KAZN: variants seen among roughly 807,000 people sequenced by gnomAD.
KAZN encodes kazrin, periplakin interacting protein, also known as kazrin.
KAZN carries 40 observed loss-of-function variants against 87.4 expected under a neutral mutation model. The ratio of observed to expected loss-of-function variants is 0.46; its 90% CI spans 0.36 to 0.60. KAZN has a LOEUF of 0.60. Among genes scored for constraint, KAZN ranks in the 20% least tolerant of loss-of-function variants. The probability of loss-of-function intolerance (pLI) is 0.00; values close to 1 mark genes in which losing one functional copy is unlikely to be tolerated. For missense variants in KAZN, 898 were observed against 1,073.9 expected (o/e 0.84, Z 2.29); for synonymous variants, 466 against 458.3 (o/e 1.02, Z -0.22).
rs963914908 is a variant in KAZN at position 14,820,799 on chromosome 1, C to G, written c.227-139885C>G. Reference sequence around the variant, plus strand: ...ATTCCAGAGGAAGAGCAGTGGGGCACAGTGGGGAGTGAAGGGGGCCATGGC... The same window carrying G: ...ATTCCAGAGGAAGAGCAGTGGGGCAGAGTGGGGAGTGAAGGGGGCCATGGC... On this transcript the variant is annotated intron_variant, in intron 1 of 14. Coordinates refer to ENST00000376030, the MANE Select transcript of KAZN (RefSeq NM_201628.3). The surrounding 1 kb of genome is among the most constrained non-coding windows in gnomAD (Gnocchi z 4.1). Among the ~76,000 whole-genome samples, 2 of 152,020 alleles carry G rather than the reference C, an allele frequency of 1.3e-5. No individual in the cohort carries two copies. Among genetic ancestry groups the G allele is most frequent in the Non-Finnish European group, 2.9e-5 (2 of 68,008 alleles).
At chr1:15,011,408 C>G (rs1466916596) in intron 2 of KAZN, among the ~76,000 whole-genome samples, 1 of 152,220 alleles carries the variant, frequency 6.6e-6, no homozygotes, top group African/African-American at 2.4e-5. Context: ...TGCCAGTCAC[C>G]AGAACGTGCA....
Position 14,773,694 on chromosome 1 carries a change from A to G in KAZN, c.226+174471A>G, listed in dbSNP as rs373419727. ...AGCCAGTGCCTCTATGCAGCCGGTT[A>G]CCCATTGGCGTCACTTAGCCTGGCA... On this transcript the variant is annotated intron_variant, in intron 1 of 14. Transcript: ENST00000376030. The surrounding 1 kb of genome is among the most constrained non-coding windows in gnomAD (Gnocchi z 5.9). Among the ~76,000 whole-genome samples the G allele has an allele frequency of 3.2e-4, 49 of 152,194 alleles. No individual in the cohort carries two copies. Among genetic ancestry groups the G allele is most frequent in the Admixed American group, 2.0e-3 (30 of 15,304 alleles).
chr1:14,302,109 G>A (rs1654598343), intron 2 of KAZN, among the ~76,000 whole-genome samples: 1 of 152,156 alleles, frequency 6.6e-6, no homozygotes, highest in Non-Finnish European at 1.5e-5. Context: ...AAGATGCATA[G>A]GGAAAAACAA....
At position 14,034,303 on chromosome 1, in the gene KAZN, C is replaced by G. The variant is rs150903753; in HGVS notation, c.91+140547C>G. On this transcript the variant is annotated intron_variant, in intron 1 of 16. Transcript: ENST00000636203. ...CTTTTAGCTGTTTTTTTTTTCTGTG[C>G]CTTTGCAAAGACTTTGCAAGGGTCT... Among the ~76,000 whole-genome samples, 389 of 151,548 alleles carry G rather than the reference C, an allele frequency of 2.6e-3. 3 individuals are homozygous for G. Among genetic ancestry groups the G allele is most frequent in the Non-Finnish European group, 4.5e-3 (305 of 67,878 alleles).
At chr1:14,533,562 T>A (rs145731971) in intron 2 of KAZN, among the ~76,000 whole-genome samples, 1,778 of 152,288 alleles carry the variant, frequency 0.012, 26 homozygotes, top group African/African-American at 0.04. Flanking sequence ...AGGATGGCTG[T>A]TCCCCCACAT....
intron 2 of KAZN, among the ~76,000 whole-genome samples, chr1:14,338,795 C>T (rs1461544348): frequency 6.6e-6 from 1 of 152,164 alleles, no homozygotes. Flanking sequence ...GTTCAGACTT[C>T]TCAGTACATA....
At chr1:14,740,703 T>A (rs1052347639) in intron 1 of KAZN, among the ~76,000 whole-genome samples, 1 of 152,182 alleles carries the variant, frequency 6.6e-6, no homozygotes, top group Admixed American at 6.5e-5. Flanking sequence ...GAGCTGCACC[T>A]TGGGCCATTC....
intron 2 of KAZN, among the ~76,000 whole-genome samples, chr1:14,287,864 G>A (rs1172311383): frequency 3.3e-5 from 5 of 152,098 alleles, no homozygotes; most frequent in Non-Finnish European, 7.4e-5. Context: ...ACAAAACTTA[G>A]TTTATTGAGA....
At chr1:15,108,395 A>C (rs72640722) in intron 13 of KAZN, among the ~76,000 whole-genome samples, 1 of 152,212 alleles carries the variant, frequency 6.6e-6, no homozygotes, top group African/African-American at 2.4e-5. Context: ...CTTTGAGGCC[A>C]CATTCTGGCT....
chr1:14,011,082 A>C (rs1447252489), intron 1 of KAZN, among the ~76,000 whole-genome samples: 2 of 151,804 alleles, frequency 1.3e-5, no homozygotes, highest in Non-Finnish European at 2.9e-5. Context: ...ATCTCACCCC[A>C]TCTTGGGAGC....
At chr1:14,311,387 A>G (rs1010473794) in intron 2 of KAZN, among the ~76,000 whole-genome samples, 1 of 152,214 alleles carries the variant, frequency 6.6e-6, no homozygotes, top group Non-Finnish European at 1.5e-5. Context: ...TTTATCTTAC[A>G]ATAAGTTCCC....
intron 1 of KAZN, among the ~76,000 whole-genome samples, chr1:14,637,074 C>T (rs1239147779): frequency 6.6e-6 from 1 of 152,164 alleles, no homozygotes; most frequent in African/African-American, 2.4e-5. Flanking sequence ...CCCAGGGCCC[C>T]TTTTCTGACT....
At chr1:14,874,463 T>C (rs971143098) in intron 1 of KAZN, among the ~76,000 whole-genome samples, 2 of 144,568 alleles carry the variant, frequency 1.4e-5, no homozygotes, top group African/African-American at 5.2e-5. Flanking sequence ...GCTAGCTAGC[T>C]GGCTGACTGG....
chr1:15,000,459 C>A (rs1295649549), intron 2 of KAZN, among the ~76,000 whole-genome samples: 1 of 151,788 alleles, frequency 6.6e-6, no homozygotes, highest in African/African-American at 2.4e-5. Context: ...AACCCAGAGC[C>A]CCCGTCCCTC....
Position 14,599,565 on chromosome 1 carries a change from T to C in KAZN, c.226+342T>C, listed in dbSNP as rs1676783118. Among the ~76,000 whole-genome samples, 1 of 152,024 alleles carries C rather than the reference T, an allele frequency of 6.6e-6. No homozygotes were observed. Among genetic ancestry groups the C allele is most frequent in the African/African-American group, 2.4e-5 (1 of 41,406 alleles). The stretch of plus-strand genomic sequence containing the variant: ...CGTGCAAACTTTTCATGCCGGGGCC[T>C]TTTCCCCACCCCCCGCAGGGGTGAA... On this transcript the variant is annotated intron_variant, in intron 1 of 14. Coordinates refer to ENST00000376030, the MANE Select transcript of KAZN (RefSeq NM_201628.3). This position sits in a 1 kb window ranked among gnomAD's most constrained non-coding sequence, Gnocchi z 4.4.
rs546762292 is a variant in KAZN at position 14,850,375 on chromosome 1, T to C, written c.227-110309T>C. On this transcript the variant is annotated intron_variant, in intron 1 of 14. Coordinates refer to ENST00000376030, the MANE Select transcript of KAZN (RefSeq NM_201628.3). The stretch of plus-strand genomic sequence containing the variant: ...CCTTACTGACCAACCACATGTGAGG[T>C]TGGTCATCTGTGACATGTTTAAGGC... Among the ~76,000 whole-genome samples the C allele has an allele frequency of 2.6e-5, 4 of 152,244 alleles. No homozygotes were observed. In the East Asian group the frequency reaches 5.8e-4, roughly 22 times the overall value.
chr1:14,138,457 C>G (rs966927), intron 1 of KAZN, among the ~76,000 whole-genome samples: 84,349 of 151,912 alleles, frequency 0.56, 24,805 homozygotes, highest in East Asian at 0.72. Flanking sequence ...TCTCTAATGT[C>G]TCATTGGTCA....
chr1:13,910,172 G>C (rs1639597385), intron 1 of KAZN, among the ~76,000 whole-genome samples: 1 of 152,086 alleles, frequency 6.6e-6, no homozygotes, highest in African/African-American at 2.4e-5. Context: ...CCTTGATGCT[G>C]CTGCGGCGAT....
At chr1:14,977,131 C>T (rs955262858) in intron 2 of KAZN, among the ~76,000 whole-genome samples, 3 of 152,178 alleles carry the variant, frequency 2.0e-5, no homozygotes, top group Admixed American at 2.0e-4. Context: ...CCATGGAGTC[C>T]TCGGGGCGGT....
Sources: gnomAD v4.1 joint callset for allele counts (sites outside exome capture counted in the v4.1 genomes callset) on GRCh38, gnomAD v4.1.1 for gene constraint, Gnocchi (gnomAD v3.1) non-coding constraint, MANE v1.5 for transcripts, NCBI Gene and HGNC (gene_info 2026-07-23, HGNC 2026-07-21) for gene names.